Variants in SRGAP2 observed in about 807,000 individuals in gnomAD.
The protein encoded by SRGAP2 is SLIT-ROBO Rho GTPase-activating protein 2.
SRGAP2 carries 15 observed loss-of-function variants against 57.2 expected under a neutral mutation model. That is an observed-to-expected ratio of 0.26 (90% confidence interval 0.18 to 0.40). The LOEUF (loss-of-function observed/expected upper bound fraction) is 0.40, where lower values mean the gene tolerates loss of function less well. Among genes scored for constraint, SRGAP2 ranks in the 10% least tolerant of loss-of-function variants. The pLI is 1.00. For missense variants in SRGAP2, 520 were observed against 669.6 expected (o/e 0.78, Z 2.47); for synonymous variants, 249 against 248.0 (o/e 1.00, Z -0.04).
At chr1:206,278,342 C>CTTT (rs1327766898) in intron 2 of SRGAP2, among the ~76,000 whole-genome samples, 1 of 134,474 alleles carries the variant, frequency 7.4e-6, no homozygotes, top group Non-Finnish European at 1.6e-5. Flanking sequence ...CTTTCTTCTA[C>CTTT]TTTTTTTTTT....
intron 15 of SRGAP2, 115 bp downstream of exon 15, chr1:206,437,157 C>T (rs1661836422): frequency 2.7e-6 from 2 of 729,524 alleles, no homozygotes; most frequent in Admixed American, 3.7e-5. Context: ...TTCCCTGTCT[C>T]TTCAGGGGGT....
At chr1:206,354,740 T>TTC (rs1297991060) in intron 4 of SRGAP2, among the ~76,000 whole-genome samples, 19 of 149,978 alleles carry the variant, frequency 1.3e-4, no homozygotes, top group Admixed American at 2.0e-4. Flanking sequence ...TTCTCTCTCT[T>TTC]TCTCTCTCTC....
At chr1:206,434,471 T>C (rs1391629846) in intron 14 of SRGAP2, among the ~76,000 whole-genome samples, 1 of 152,220 alleles carries the variant, frequency 6.6e-6, no homozygotes, top group Non-Finnish European at 1.5e-5. Flanking sequence ...CCAAGTCTGA[T>C]GAGTTTTATA....
intron 2 of SRGAP2, among the ~76,000 whole-genome samples, chr1:206,279,000 CTGTTGGCTT>C (rs1670574407): frequency 6.8e-6 from 1 of 146,582 alleles, no homozygotes; most frequent in East Asian, 2.0e-4. Flanking sequence ...CCATGTTAGG[CTGTTGGCTT>C]TTATTCTGTA....
chr1:206,449,215 C>T (rs376496960), intron 18 of SRGAP2, among the ~76,000 whole-genome samples: 21 of 152,136 alleles, frequency 1.4e-4, no homozygotes, highest in East Asian at 1.3e-3. Flanking sequence ...AGTCCATGAG[C>T]CAGGAGATCA....
chr1:206,370,675 G>T (rs1158579808), intron 4 of SRGAP2, among the ~76,000 whole-genome samples: 1 of 152,144 alleles, frequency 6.6e-6, no homozygotes, highest in Admixed American at 6.5e-5. Flanking sequence ...AGTGGTGGTG[G>T]TTGTACAACC....
At position 206,318,564 on chromosome 1, in the gene SRGAP2, C is replaced by T. The variant is rs559318000; in HGVS notation, c.260+15091C>T. ...TTTTTTGCGATGCTGTAAATAAATACCTGAGGCTGGGTAATTTCTAAAGAA... is the reference window on the plus strand; with the variant it reads ...TTTTTTGCGATGCTGTAAATAAATATCTGAGGCTGGGTAATTTCTAAAGAA... On this transcript the variant is annotated intron_variant, in intron 3 of 22. Transcript: ENST00000573034. Among the ~76,000 whole-genome samples, 240 of 152,306 alleles carry T rather than the reference C, an allele frequency of 1.6e-3. 1 individual carries two copies. Among genetic ancestry groups the T allele is most frequent in the Admixed American group, 0.012 (188 of 15,296 alleles).
At chr1:206,441,825 A>T (rs967111888) in intron 17 of SRGAP2, among the ~76,000 whole-genome samples, 2 of 152,146 alleles carry the variant, frequency 1.3e-5, no homozygotes, top group Non-Finnish European at 2.9e-5. Flanking sequence ...CACAGTCCCC[A>T]GCCCTCCCCG....
intron 4 of SRGAP2, among the ~76,000 whole-genome samples, chr1:206,368,006 C>G (rs1654191209): frequency 6.6e-6 from 1 of 152,104 alleles, no homozygotes; most frequent in Non-Finnish European, 1.5e-5. Context: ...AATTCGAAGT[C>G]AGCGATTACT....
intron 2 of SRGAP2, among the ~76,000 whole-genome samples, chr1:206,242,083 A>G (rs1442597319): frequency 1.3e-5 from 2 of 150,354 alleles, no homozygotes; most frequent in Non-Finnish European, 3.0e-5. Context: ...CTTTTTTTGA[A>G]CTCATAAAAG....
At chr1:206,334,780 A>T (rs1323503533) in intron 3 of SRGAP2, among the ~76,000 whole-genome samples, 2 of 151,738 alleles carry the variant, frequency 1.3e-5, no homozygotes, top group Non-Finnish European at 2.9e-5. Flanking sequence ...ACCAGGGGTG[A>T]GCCAGACTGT....
chr1:206,355,830 C>T (rs1571941112), intron 4 of SRGAP2, among the ~76,000 whole-genome samples: 1 of 151,998 alleles, frequency 6.6e-6, no homozygotes, highest in Non-Finnish European at 1.5e-5. Flanking sequence ...AGCCAGGCAT[C>T]GTGGTGTATT....
intron 3 of SRGAP2, among the ~76,000 whole-genome samples, chr1:206,327,235 G>A (rs1673992125): frequency 6.6e-6 from 1 of 151,890 alleles, no homozygotes; most frequent in Non-Finnish European, 1.5e-5. Flanking sequence ...GCTGAGGCAG[G>A]AGAATCGCTT....
chr1:206,436,872 C>G, intron 14 of SRGAP2, 93 bp from the exon 15 acceptor site: 1 of 758,472 alleles, frequency 1.3e-6, no homozygotes, highest in South Asian at 1.4e-5. Flanking sequence ...TAAATACATG[C>G]TGGCTGGGGG....
chr1:206,279,518 C>T (rs1670605471), intron 2 of SRGAP2, among the ~76,000 whole-genome samples: 2 of 113,458 alleles, frequency 1.8e-5, no homozygotes, highest in Non-Finnish European at 3.5e-5. Flanking sequence ...TGGGCTCAGG[C>T]AATCCTCCCA....
chr1:206,458,585 C>G, intron 21 of SRGAP2, 38 bp from the exon 22 acceptor site: 2 of 688,258 alleles, frequency 2.9e-6, no homozygotes, highest in Non-Finnish European at 5.4e-6. Context: ...GGAGCCAGGG[C>G]TCCCTGATCA....
chr1:206,307,730 C>T (rs2102773922), intron 3 of SRGAP2, among the ~76,000 whole-genome samples: 1 of 152,372 alleles, frequency 6.6e-6, no homozygotes, highest in East Asian at 1.9e-4. Context: ...GCCAGCAGGG[C>T]TGGCCGGCTG....
intron 2 of SRGAP2, among the ~76,000 whole-genome samples, chr1:206,228,333 C>A: frequency 6.9e-6 from 1 of 145,308 alleles, no homozygotes; most frequent in Non-Finnish European, 1.5e-5. Context: ...CAGTTTTCTA[C>A]CAGCATGAGA....
intron 2 of SRGAP2, among the ~76,000 whole-genome samples, chr1:206,232,328 T>C (rs1294342225): frequency 6.6e-6 from 1 of 151,324 alleles, no homozygotes; most frequent in Non-Finnish European, 1.5e-5. Context: ...CAGAATCTTC[T>C]CAAGATCACC....
Sources: gnomAD v4.1 joint callset for allele counts (sites outside exome capture counted in the v4.1 genomes callset) on GRCh38, gnomAD v4.1.1 for gene constraint, MANE v1.5 for transcripts, NCBI Gene and HGNC (gene_info 2026-07-23, HGNC 2026-07-21) for gene names.